VAV3: variants seen among roughly 807,000 people sequenced by gnomAD.
VAV3 encodes the protein vav guanine nucleotide exchange factor 3.
In VAV3, 94 loss-of-function variants were observed where a neutral mutation model predicts 131.2. The ratio of observed to expected loss-of-function variants is 0.72; its 90% CI spans 0.61 to 0.85. The LOEUF is 0.85. Among genes scored for constraint, VAV3 ranks in the 40% least tolerant of loss-of-function variants. The pLI is 0.00. For missense variants in VAV3, 939 were observed against 1,002.7 expected (o/e 0.94, Z 0.86); for synonymous variants, 349 against 342.0 (o/e 1.02, Z -0.22).
At chr1:107,630,251 G>A (rs1466032742) in intron 20 of VAV3, among the ~76,000 whole-genome samples, 1 of 152,072 alleles carries the variant, frequency 6.6e-6, no homozygotes, top group Non-Finnish European at 1.5e-5. Context: ...CTAGTTTCTG[G>A]TTCTCCCAAC....
At chr1:107,898,945 C>A (rs985075547) in intron 1 of VAV3, among the ~76,000 whole-genome samples, 31 of 152,230 alleles carry the variant, frequency 2.0e-4, no homozygotes, top group African/African-American at 7.2e-4. Context: ...CATTTGTCAA[C>A]AAATACCCTC....
intron 20 of VAV3, among the ~76,000 whole-genome samples, chr1:107,640,460 C>T (rs12239371): frequency 0.13 from 19,117 of 152,002 alleles, 1,315 homozygotes; most frequent in East Asian, 0.2. Context: ...AGGGTTGTTG[C>T]GCAAGGCGGA....
intron 1 of VAV3, among the ~76,000 whole-genome samples, chr1:107,915,757 T>C (rs1471765423): frequency 6.6e-6 from 1 of 152,200 alleles, no homozygotes; most frequent in Non-Finnish European, 1.5e-5. Flanking sequence ...AGTAAGTCTT[T>C]GATTAGTGAA....
intron 1 of VAV3, among the ~76,000 whole-genome samples, chr1:107,889,826 A>G (rs928826702): frequency 1.3e-5 from 2 of 152,218 alleles, no homozygotes; most frequent in African/African-American, 2.4e-5. Context: ...AGATTTGGAG[A>G]ACACAGAGAT....
chr1:107,761,893 G>C (rs1435230844), intron 9 of VAV3, among the ~76,000 whole-genome samples: 1 of 152,108 alleles, frequency 6.6e-6, no homozygotes, highest in Non-Finnish European at 1.5e-5. Flanking sequence ...CCAAGATTTA[G>C]AAGCCTTGGA....
At chr1:107,898,369 T>C (rs1671702732) in intron 1 of VAV3, among the ~76,000 whole-genome samples, 1 of 152,174 alleles carries the variant, frequency 6.6e-6, no homozygotes, top group South Asian at 2.1e-4. Context: ...GAAAAATAAA[T>C]GTGAGAAAAA....
rs998738972 is a variant in VAV3 at position 107,749,106 on chromosome 1, T to C, written c.1393-29A>G. ...TTAAAATTAATATTCCTTAGATTAA[T>C]ATGTATCATTAATAACATGTTTCTA... On this transcript the variant is annotated intron_variant, in intron 14 of 26. Coordinates refer to ENST00000370056, the MANE Select transcript of VAV3 (RefSeq NM_006113.5). 7.8e-6 allele frequency: 11 copies of C among 1,414,450 alleles called. No homozygotes were observed. The African/African-American group carries it at 1.0e-4, about 13-fold the overall frequency. 87.6% of individuals were successfully genotyped at this position (1,414,450 alleles called of 1,614,324 possible).
intron 1 of VAV3, among the ~76,000 whole-genome samples, chr1:107,956,277 G>A (rs1035009452): frequency 6.6e-6 from 1 of 152,180 alleles, no homozygotes; most frequent in African/African-American, 2.4e-5. Flanking sequence ...TTAAGTTTAA[G>A]GAAAGAAGAA....
At chr1:107,727,739 T>C (rs1006510932) in intron 15 of VAV3, among the ~76,000 whole-genome samples, 2 of 152,170 alleles carry the variant, frequency 1.3e-5, no homozygotes, top group Non-Finnish European at 2.9e-5. Context: ...TAGACTTGTG[T>C]CAATATCAAG....
intron 1 of VAV3, among the ~76,000 whole-genome samples, chr1:107,952,323 A>T (rs558884149): frequency 6.6e-6 from 1 of 151,878 alleles, no homozygotes; most frequent in Admixed American, 6.6e-5. Flanking sequence ...GTGCAGGATG[A>T]GAAGAGGGAA....
intron 1 of VAV3, among the ~76,000 whole-genome samples, chr1:107,917,950 A>G (rs1221580214): frequency 6.6e-6 from 1 of 152,200 alleles, no homozygotes; most frequent in Non-Finnish European, 1.5e-5. Context: ...ACTGAGATGC[A>G]CAGACCCAGG....
At chr1:107,667,597 TACAC>T (rs530296068) in intron 19 of VAV3, among the ~76,000 whole-genome samples, 1 of 151,642 alleles carries the variant, frequency 6.6e-6, no homozygotes, top group Non-Finnish European at 1.5e-5. Context: ...AGGATTATTA[TACAC>T]ACACACACAC....
At chr1:107,855,875 A>C (rs1434929358) in intron 2 of VAV3, among the ~76,000 whole-genome samples, 1 of 152,196 alleles carries the variant, frequency 6.6e-6, no homozygotes. Flanking sequence ...GTCCAGAGAA[A>C]GGAAAATGTG....
intron 25 of VAV3, among the ~76,000 whole-genome samples, chr1:107,579,989 C>T (rs907249937): frequency 6.6e-6 from 1 of 152,252 alleles, no homozygotes; most frequent in African/African-American, 2.4e-5. Flanking sequence ...CCTTCCCTGA[C>T]AATCCAGACA....
chr1:107,888,241 C>T (rs1671134143), intron 1 of VAV3, among the ~76,000 whole-genome samples: 1 of 152,308 alleles, frequency 6.6e-6, no homozygotes, highest in East Asian at 1.9e-4. Flanking sequence ...ACATTCCCCA[C>T]AAGTGACTTC....
intron 13 of VAV3, among the ~76,000 whole-genome samples, chr1:107,750,873 T>C (rs1039464609): frequency 6.6e-6 from 1 of 152,230 alleles, no homozygotes; most frequent in Non-Finnish European, 1.5e-5. Context: ...TAATGTATCC[T>C]AGCTGATCAT....
At chr1:107,613,981 T>C (rs1413970368) in intron 21 of VAV3, among the ~76,000 whole-genome samples, 1 of 152,188 alleles carries the variant, frequency 6.6e-6, no homozygotes, top group Non-Finnish European at 1.5e-5. Flanking sequence ...AGAGCTGGTA[T>C]GAATTCCAGC....
chr1:107,681,739 T>C (rs919469259), intron 19 of VAV3, among the ~76,000 whole-genome samples: 4 of 151,550 alleles, frequency 2.6e-5, no homozygotes, highest in African/African-American at 7.3e-5. Flanking sequence ...CTGCAAGTTC[T>C]GCCTCCCGGG....
intron 1 of VAV3, among the ~76,000 whole-genome samples, chr1:107,913,906 C>T (rs575878361): frequency 2.6e-5 from 4 of 152,146 alleles, no homozygotes; most frequent in East Asian, 1.9e-4. Context: ...GCGATTCTTC[C>T]GCCTCAGCCT....
Sources: gnomAD v4.1 joint callset for allele counts (sites outside exome capture counted in the v4.1 genomes callset) on GRCh38, gnomAD v4.1.1 for gene constraint, MANE v1.5 for transcripts, NCBI Gene and HGNC (gene_info 2026-07-23, HGNC 2026-07-21) for gene names.